Variants in OTOG observed in about 807,000 individuals in gnomAD.
OTOG encodes the protein otogelin.
Under a neutral mutation model 313.8 loss-of-function variants are expected in OTOG, and 296 were observed. That is an observed-to-expected ratio of 0.94 (90% CI 0.86 to 1.04). OTOG has a LOEUF of 1.04. OTOG is among the 50% of genes least tolerant of loss of function. The pLI is 0.00. For synonymous variants in OTOG, 1,533 were observed against 1,554.9 expected (o/e 0.99, Z 0.33); for missense variants, 3,948 against 3,840.1 (o/e 1.03, Z -0.74).
At chr11:17,566,231 T>C (rs750459511) in intron 15 of OTOG, among the ~76,000 whole-genome samples, 9 of 152,220 alleles carry the variant, frequency 5.9e-5, no homozygotes, top group Non-Finnish European at 1.2e-4. Flanking sequence ...TCCTCCTGTG[T>C]ACCTTAAATC....
rs867226449 is a variant in OTOG at position 17,641,009 on chromosome 11, G to A, written c.8108G>A (p.Arg2703His). The change falls in exon 51 of 56, where the codon CGC becomes CAC. Residue 2703 changes from arginine (R) to histidine (H), a missense_variant. Coordinates refer to ENST00000399397, the MANE Select transcript of OTOG (RefSeq NM_001292063.2). Reference protein sequence around the residue: ...LSADGVCHTSRCTTVLDPLTN... With the variant: ...LSADGVCHTSHCTTVLDPLTN... ...GCAGATGGCGTGTGCCACACCTCCC[G>A]CTGCACCACCGTGCTCGACCCTCTC... The A allele has an allele frequency of 5.9e-5, 91 of 1,548,228 alleles. No individual in the cohort carries two copies. Among genetic ancestry groups the A allele is most frequent in the African/African-American group, 5.3e-4 (39 of 73,082 alleles).
At position 17,593,318 on chromosome 11, in the gene OTOG, C is replaced by T. The variant is rs750102214; in HGVS notation, c.3132C>T (p.Ser1044=). The part of the protein sequence containing the change: ...GNSLIVFDDD[S]GNPSPESFLD... The stretch of plus-strand genomic sequence containing the variant: ...CACTCATTGTCTTTGATGATGACTC[C>T]GGAAATCCTGTAAGGCTCAGTGCCT... Residue 1044 remains serine (S), a synonymous_variant, in exon 26 of 56, where the codon TCC becomes TCT. Coordinates refer to ENST00000399397, the MANE Select transcript of OTOG (RefSeq NM_001292063.2). 99 of 1,550,432 alleles carry T rather than the reference C, an allele frequency of 6.4e-5. No homozygotes were observed. In the East Asian group the frequency reaches 1.5e-3, roughly 23 times the overall value.
intron 23 of OTOG, among the ~76,000 whole-genome samples, chr11:17,582,561 G>A (rs80299838): frequency 1.4e-3 from 213 of 152,298 alleles, no homozygotes; most frequent in Non-Finnish European, 2.2e-3. Context: ...GTTTTCCAAA[G>A]TGATTGGACA....
Position 17,634,874 on chromosome 11 carries a change from C to T in OTOG, c.7511C>T (p.Ala2504Val). The T allele has an allele frequency of 3.2e-6, 5 of 1,549,556 alleles. No homozygotes were observed. Among genetic ancestry groups the T allele is most frequent in the Non-Finnish European group, 4.4e-6 (5 of 1,146,830 alleles). The change falls in exon 45 of 56, where the codon GCC becomes GTC. Residue 2504 changes from alanine (A) to valine (V), a missense_variant. Coordinates refer to ENST00000399397, the MANE Select transcript of OTOG (RefSeq NM_001292063.2). ...VCNQTLCEGL[A>V]PTCRPGHRLL... ...AACCAGACTCTGTGTGAGGGTCTCG[C>T]CCCCACATGCCGCCCAGGCCACCGC... is the stretch of plus-strand genomic sequence containing the variant.
chr11:17,562,665 T>TATTA (rs1248288041), intron 15 of OTOG, among the ~76,000 whole-genome samples: 1 of 152,198 alleles, frequency 6.6e-6, no homozygotes, highest in East Asian at 1.9e-4. Context: ...CCTTATAAAT[T>TATTA]ATTAACTGGA....
intron 24 of OTOG, among the ~76,000 whole-genome samples, chr11:17,587,615 GTTTC>G (rs900022976): frequency 6.6e-6 from 1 of 152,164 alleles, no homozygotes; most frequent in Non-Finnish European, 1.5e-5. Context: ...AGGCCATAGT[GTTTC>G]TTTCTGTGTT....
In OTOG at chr11:17,560,692, C is replaced by T; in HGVS notation, c.1343-17C>T. ...AGGGGCAAAGGTGAGTTAATTGGCC[C>T]TTTGCTGTCACTCTAGGGCTCATCT... On this transcript the variant is annotated splice_polypyrimidine_tract_variant and intron_variant, in intron 12 of 55. Coordinates refer to ENST00000399397, the MANE Select transcript of OTOG (RefSeq NM_001292063.2). 1.3e-6 allele frequency: 2 copies of T among 1,544,218 alleles called. No individual in the cohort carries two copies. The highest frequency in any genetic ancestry group is 8.8e-7 in the Non-Finnish European group (1 of 1,141,290).
At chr11:17,576,968 TG>T in intron 22 of OTOG, 57 bp downstream of exon 22, 1 of 1,510,742 alleles carries the variant, frequency 6.6e-7, no homozygotes, top group Non-Finnish European at 8.9e-7. Context: ...TAAAGGAGAG[TG>T]GGGAGTGGAG....
intron 34 of OTOG, 64 bp from the exon 35 acceptor site, chr11:17,609,066 A>G: frequency 7.6e-7 from 1 of 1,313,694 alleles, no homozygotes. Context: ...TGCTCAATCG[A>G]GAGAAAAAGA....
intron 12 of OTOG, among the ~76,000 whole-genome samples, chr11:17,560,481 A>G (rs1174852693): frequency 6.6e-6 from 1 of 151,856 alleles, no homozygotes; most frequent in Non-Finnish European, 1.5e-5. Flanking sequence ...CAGGTTGGGG[A>G]TGGGGTTGTG....
At chr11:17,617,745 A>G (rs1853758805) in intron 39 of OTOG, among the ~76,000 whole-genome samples, 1 of 152,108 alleles carries the variant, frequency 6.6e-6, no homozygotes, top group Non-Finnish European at 1.5e-5. Context: ...GTCCTTCTCA[A>G]AGAATGGCTT....
chr11:17,599,809 G>A, intron 31 of OTOG, 112 bp downstream of exon 31: 1 of 1,283,626 alleles, frequency 7.8e-7, no homozygotes, highest in Non-Finnish European at 1.1e-6. Flanking sequence ...GAAGAGCCGT[G>A]ACCCGGAATG....
intron 15 of OTOG, among the ~76,000 whole-genome samples, chr11:17,565,710 A>G (rs1852281691): frequency 6.6e-6 from 1 of 152,182 alleles, no homozygotes; most frequent in African/African-American, 2.4e-5. Flanking sequence ...GTTATAATCC[A>G]CTACACCTTT....
At chr11:17,582,149 G>C (rs1191161636) in intron 23 of OTOG, among the ~76,000 whole-genome samples, 1 of 152,094 alleles carries the variant, frequency 6.6e-6, no homozygotes, top group African/African-American at 2.4e-5. Flanking sequence ...TCATAATTAA[G>C]ATATATAACA....
At chr11:17,553,318 G>A (rs532369279) in intron 5 of OTOG, 47 bp from the exon 6 acceptor site, 1 of 1,494,696 alleles carries the variant, frequency 6.7e-7, no homozygotes, top group African/African-American at 1.4e-5. Context: ...CCTCTGGCTT[G>A]GTGCCCACTG....
rs1415009104 is a variant in OTOG at position 17,605,989 on chromosome 11, A to C, written c.4010A>C (p.His1337Pro). 4 of 1,550,552 alleles carry C rather than the reference A, an allele frequency of 2.6e-6. No individual in the cohort carries two copies. Among genetic ancestry groups the C allele is most frequent in the Non-Finnish European group, 3.5e-6 (4 of 1,146,982 alleles). ...CAACAGCATGCCTCCTTCTTGCTGC[A>C]CCGGGGGACACGGCAGGCAGGCCTG... ...TFQQHASFLL[H>P]RGTRQAGLVA... The change falls in exon 33 of 56, where the codon CAC (histidine) becomes CCC (proline). Residue 1337 changes from histidine to proline, a missense_variant. Transcript: ENST00000399397.
At chr11:17,553,067 G>C in intron 4 of OTOG, 52 bp from the exon 5 acceptor site, 2 of 1,522,720 alleles carry the variant, frequency 1.3e-6, no homozygotes, top group African/African-American at 1.4e-5. Context: ...TGCCTCCCTG[G>C]GTTCTGCCAA....
intron 39 of OTOG, among the ~76,000 whole-genome samples, chr11:17,624,484 G>GGC (rs1456482558): frequency 3.9e-5 from 6 of 151,972 alleles, no homozygotes; most frequent in African/African-American, 1.5e-4. Flanking sequence ...CTTATTTCTG[G>GGC]GCTCTGTATT....
At position 17,608,337 on chromosome 11, in the gene OTOG, C is replaced by T. The variant is rs1356570870; in HGVS notation, c.4198C>T (p.Arg1400Cys). ...SGAAYPICEW[R>C]YDACASPCFQ... Reference sequence around the variant, plus strand: ...GGCTGCCTACCCCATCTGCGAGTGGCGCTACGATGCCTGTGCCAGCCCCTG... The same window carrying T: ...GGCTGCCTACCCCATCTGCGAGTGGTGCTACGATGCCTGTGCCAGCCCCTG... Residue 1400 changes from arginine to cysteine, a missense_variant, in exon 34 of 56, where the codon CGC becomes TGC. Transcript: ENST00000399397. The T allele has an allele frequency of 5.9e-5, 92 of 1,546,916 alleles. No homozygotes were observed. Among genetic ancestry groups the T allele is most frequent in the East Asian group, 3.9e-4 (16 of 40,718 alleles).
Sources: allele counts gnomAD v4.1 joint callset (sites outside exome capture counted in the v4.1 genomes callset), GRCh38; gene constraint gnomAD v4.1.1; transcripts MANE v1.5; gene names NCBI Gene and HGNC (gene_info 2026-07-23, HGNC 2026-07-21).